Variants in UGGT2 observed in about 807,000 individuals in gnomAD.
UGGT2 encodes the protein UDP-glucose glycoprotein glucosyltransferase 2.
Under a neutral mutation model 192.1 loss-of-function variants are expected in UGGT2, and 180 were observed. The observed-to-expected ratio is 0.94, with a 90% confidence interval of 0.83 to 1.06. The LOEUF is 1.06. UGGT2 is among the 50% of genes least tolerant of loss of function. The pLI, the probability that UGGT2 is intolerant of heterozygous loss-of-function variation, is 0.00. For missense variants in UGGT2, 1,849 were observed against 1,795.7 expected (o/e 1.03, Z -0.54); for synonymous variants, 580 against 591.0 (o/e 0.98, Z 0.27).
intron 1 of UGGT2, among the ~76,000 whole-genome samples, chr13:96,044,977 C>T (rs1366349566): frequency 1.3e-5 from 2 of 152,110 alleles, no homozygotes; most frequent in East Asian, 3.8e-4. Context: ...AGGGAATCCT[C>T]CTGAAATCAT....
chr13:96,048,397 T>C (rs962161415), intron 1 of UGGT2, among the ~76,000 whole-genome samples: 1 of 152,046 alleles, frequency 6.6e-6, no homozygotes, highest in Non-Finnish European at 1.5e-5. Context: ...GATCTAAAAT[T>C]GACACCCTAA....
At chr13:95,860,136 G>A (rs569271083) in intron 32 of UGGT2, among the ~76,000 whole-genome samples, 9 of 151,938 alleles carry the variant, frequency 5.9e-5, no homozygotes, top group African/African-American at 1.2e-4. Flanking sequence ...CCATTTTAAC[G>A]TATCAGTGCT....
At chr13:95,931,591 G>A (rs975729457) in intron 17 of UGGT2, among the ~76,000 whole-genome samples, 12 of 152,176 alleles carry the variant, frequency 7.9e-5, no homozygotes, top group Admixed American at 1.3e-4. Flanking sequence ...GGCGGGCTGC[G>A]GGTCCCAAGC....
intron 10 of UGGT2, among the ~76,000 whole-genome samples, chr13:95,978,699 C>T (rs2051019483): frequency 6.6e-6 from 1 of 152,086 alleles, no homozygotes; most frequent in Non-Finnish European, 1.5e-5. Context: ...ATTTGATTTT[C>T]GTATATGGTG....
At chr13:95,970,337 TTA>T (rs2050733981) in intron 11 of UGGT2, 75 bp from the exon 12 acceptor site, 1 of 1,347,420 alleles carries the variant, frequency 7.4e-7, no homozygotes, top group East Asian at 2.3e-5. Context: ...TTTGATAGTC[TTA>T]AAGCATTAGA....
chr13:95,848,804 T>TA lies in UGGT2; in HGVS notation c.4284+4738dup, dbSNP rs564981548. Among the ~76,000 whole-genome samples the TA allele has an allele frequency of 3.2e-3, 482 of 152,328 alleles. 3 individuals are homozygous for TA. Among genetic ancestry groups the TA allele is most frequent in the African/African-American group, 0.011 (460 of 41,584 alleles). On this transcript the variant is annotated intron_variant, in intron 36 of 38. Transcript: ENST00000376747. ...TTTAAAATCAGTAGGTTGACAATCA[T>TA]AAAACAACTTGCTAGGACTTTGATT... is the stretch of plus-strand genomic sequence containing the variant.
At chr13:95,935,166 T>C (rs115580246) in intron 17 of UGGT2, among the ~76,000 whole-genome samples, 218 of 152,322 alleles carry the variant, frequency 1.4e-3, no homozygotes, top group African/African-American at 4.8e-3. Context: ...TCTGTGCCTT[T>C]TAAGTGAGGC....
chr13:96,004,301 CA>C (rs1205493905), intron 5 of UGGT2, among the ~76,000 whole-genome samples: 1 of 151,800 alleles, frequency 6.6e-6, no homozygotes, highest in Non-Finnish European at 1.5e-5. Flanking sequence ...ATGTAATGAT[CA>C]AATCAGGGTA....
intron 26 of UGGT2, 104 bp from the exon 27 acceptor site, chr13:95,884,784 C>T (rs2047598628): frequency 2.6e-6 from 3 of 1,160,230 alleles, no homozygotes; most frequent in Non-Finnish European, 3.6e-6. Flanking sequence ...CAGAAGTCTA[C>T]AATCAAAAAG....
chr13:95,890,514 G>C (rs994097969), intron 25 of UGGT2, among the ~76,000 whole-genome samples: 3 of 151,996 alleles, frequency 2.0e-5, no homozygotes, highest in African/African-American at 7.3e-5. Context: ...ATTGGATCAG[G>C]GTCTCACCCA....
intron 38 of UGGT2, 188 bp downstream of exon 38, chr13:95,832,739 A>G: frequency 1.3e-6 from 1 of 789,650 alleles, no homozygotes; most frequent in Non-Finnish European, 2.1e-6. Context: ...TCCATGGGGA[A>G]ACAGATTATC....
chr13:95,895,392 T>G, intron 22 of UGGT2, 88 bp from the exon 23 acceptor site: 1 of 843,258 alleles, frequency 1.2e-6, no homozygotes, highest in East Asian at 3.2e-5. Flanking sequence ...GATATTTCTT[T>G]ATTAAGCAAA....
At chr13:96,011,387 C>CA (rs2052157363) in intron 5 of UGGT2, among the ~76,000 whole-genome samples, 1 of 151,634 alleles carries the variant, frequency 6.6e-6, no homozygotes, top group Admixed American at 6.6e-5. Flanking sequence ...GAAAACTAAA[C>CA]AAAAAAAGTT....
chr13:95,992,734 C>T (rs1162933219), intron 7 of UGGT2, among the ~76,000 whole-genome samples: 1 of 152,106 alleles, frequency 6.6e-6, no homozygotes, highest in Admixed American at 6.5e-5. Flanking sequence ...TACCCTCTCA[C>T]GCCAGTCAGA....
rs2051786228 is a variant in UGGT2, at chr13:96,001,094, T to C, written c.661-1787A>G. Among the ~76,000 whole-genome samples the C allele has an allele frequency of 5.3e-5, 8 of 152,334 alleles. No individual in the cohort carries two copies. The South Asian group carries it at 1.7e-3, about 32-fold the overall frequency. On this transcript the variant is annotated intron_variant, in intron 5 of 38. Transcript: ENST00000376747. ...GCACACTTAATGGTCACATTCTCTA[T>C]GTCAGGCCTCTGAGCCCAAACCCAA...
chr13:95,910,429 G>T (rs1566679368), intron 20 of UGGT2, among the ~76,000 whole-genome samples: 1 of 151,948 alleles, frequency 6.6e-6, no homozygotes, highest in Non-Finnish European at 1.5e-5. Context: ...AAAGAGCAGG[G>T]GTTGCAATCC....
chr13:95,971,622 C>A (rs2050776468), intron 11 of UGGT2, among the ~76,000 whole-genome samples: 1 of 152,186 alleles, frequency 6.6e-6, no homozygotes, highest in African/African-American at 2.4e-5. Flanking sequence ...TTCCTTTAAA[C>A]CTGTTTTCAC....
At chr13:95,917,439 C>T (rs536767305) in intron 20 of UGGT2, among the ~76,000 whole-genome samples, 24 of 152,190 alleles carry the variant, frequency 1.6e-4, no homozygotes, top group African/African-American at 3.1e-4. Context: ...GAAAAACCGT[C>T]GGCAGCCATG....
At chr13:95,815,094 T>A (rs148558523) in intron 38 of UGGT2, among the ~76,000 whole-genome samples, 60 of 152,294 alleles carry the variant, frequency 3.9e-4, no homozygotes, top group African/African-American at 1.4e-3. Flanking sequence ...AAAGGACATC[T>A]ATGAAGACCC....
Sources: gnomAD v4.1 joint callset for allele counts (sites outside exome capture counted in the v4.1 genomes callset) on GRCh38, gnomAD v4.1.1 for gene constraint, MANE v1.5 for transcripts, NCBI Gene and HGNC (gene_info 2026-07-23, HGNC 2026-07-21) for gene names.